The following ASTN2 variants were observed in gnomAD, a reference collection of about 807,000 sequenced individuals.
ASTN2 encodes the protein astrotactin 2, also known as astrotactin-2.
ASTN2 carries 54 observed loss-of-function variants against 139.8 expected under a neutral mutation model. The observed-to-expected ratio is 0.39, with a 90% CI of 0.31 to 0.48. The LOEUF (loss-of-function observed/expected upper bound fraction) is 0.48, where lower values mean the gene tolerates loss of function less well. Ranked by LOEUF, ASTN2 falls within the 20% of genes least tolerant of loss-of-function variation. The pLI is 0.95. For synonymous variants in ASTN2, 756 were observed against 719.5 expected (o/e 1.05, Z -0.81); for missense variants, 1,565 against 1,725.1 (o/e 0.91, Z 1.64).
chr9:116,446,531 C>G (rs1301202338), intron 20 of ASTN2, among the ~76,000 whole-genome samples: 1 of 152,194 alleles, frequency 6.6e-6, no homozygotes, highest in Non-Finnish European at 1.5e-5. Flanking sequence ...CATACAAAGA[C>G]TCTGGCATTC....
At chr9:116,761,048 A>G (rs1041344548) in intron 13 of ASTN2, among the ~76,000 whole-genome samples, 7 of 152,180 alleles carry the variant, frequency 4.6e-5, no homozygotes, top group African/African-American at 1.7e-4. Context: ...CCTCCCATGC[A>G]TGGTACAACG....
intron 1 of ASTN2, among the ~76,000 whole-genome samples, chr9:117,318,231 C>T (rs537249571): frequency 2.0e-5 from 3 of 152,148 alleles, no homozygotes; most frequent in Non-Finnish European, 4.4e-5. Context: ...GTTCTCTATG[C>T]CTCAGTGTTT....
At chr9:117,017,839 C>G (rs1316169328) in intron 6 of ASTN2, among the ~76,000 whole-genome samples, 7 of 151,918 alleles carry the variant, frequency 4.6e-5, no homozygotes, top group Non-Finnish European at 1.0e-4. Context: ...TGCATACACA[C>G]TTGTACATAC....
chr9:116,919,843 C>T (rs768590904), intron 10 of ASTN2, among the ~76,000 whole-genome samples: 7 of 150,196 alleles, frequency 4.7e-5, no homozygotes, highest in Non-Finnish European at 1.0e-4. Flanking sequence ...TTGGAGGCTG[C>T]AGTGGGAGGA....
intron 4 of ASTN2, among the ~76,000 whole-genome samples, chr9:117,134,085 G>A (rs188017885): frequency 6.5e-4 from 99 of 151,998 alleles, no homozygotes; most frequent in Middle Eastern, 6.8e-3. Context: ...AGGCTGCTAA[G>A]AAGGACAAAG....
intron 11 of ASTN2, among the ~76,000 whole-genome samples, chr9:116,857,755 G>A (rs1274453330): frequency 6.6e-6 from 1 of 152,178 alleles, no homozygotes; most frequent in African/African-American, 2.4e-5. Flanking sequence ...GGGTAAATGG[G>A]TAGATTAAAG....
chr9:116,696,691 A>G (rs1292998333), intron 16 of ASTN2, among the ~76,000 whole-genome samples: 1 of 152,032 alleles, frequency 6.6e-6, no homozygotes, highest in African/African-American at 2.4e-5. Flanking sequence ...TTATTTACCT[A>G]CATGTCTTGT....
At chr9:116,731,886 TG>T (rs143112530) in intron 14 of ASTN2, among the ~76,000 whole-genome samples, 6,523 of 152,194 alleles carry the variant, frequency 0.043, 504 homozygotes, top group African/African-American at 0.15. Flanking sequence ...TCCCCATCAC[TG>T]GGGGTATCCA....
chr9:117,008,061 T>C, intron 7 of ASTN2, 31 bp downstream of exon 7: 1 of 1,548,714 alleles, frequency 6.5e-7, no homozygotes, highest in Non-Finnish European at 8.7e-7. Context: ...CTCTCCCACC[T>C]TCTATCCCCA....
chr9:117,039,071 T>G (rs775017814), intron 6 of ASTN2, among the ~76,000 whole-genome samples: 4 of 152,218 alleles, frequency 2.6e-5, no homozygotes, highest in Non-Finnish European at 5.9e-5. Flanking sequence ...CATTTTTATT[T>G]TGAAATGGAT....
At chr9:116,919,535 G>A (rs775282594) in intron 10 of ASTN2, among the ~76,000 whole-genome samples, 3 of 151,774 alleles carry the variant, frequency 2.0e-5, no homozygotes, top group Non-Finnish European at 4.4e-5. Context: ...TGAGTTTCAT[G>A]GACCTATGAA....
intron 1 of ASTN2, among the ~76,000 whole-genome samples, chr9:117,400,871 T>A (rs974144440): frequency 6.6e-6 from 1 of 152,044 alleles, no homozygotes; most frequent in Non-Finnish European, 1.5e-5. Context: ...AAACCCACGA[T>A]TCCTAGTTCT....
At chr9:117,143,218 C>T (rs1319581204) in intron 3 of ASTN2, among the ~76,000 whole-genome samples, 3 of 152,236 alleles carry the variant, frequency 2.0e-5, no homozygotes, top group African/African-American at 7.2e-5. Context: ...GTTTCCTCAT[C>T]TGTCTCCCTT....
intron 2 of ASTN2, among the ~76,000 whole-genome samples, chr9:117,261,600 A>G (rs771413146): frequency 2.0e-5 from 3 of 152,112 alleles, no homozygotes; most frequent in African/African-American, 4.8e-5. Context: ...AAAAATTAAT[A>G]TCACACCATT....
Position 116,980,117 on chromosome 9 carries a change from C to A in ASTN2, c.1592-3332G>T, listed in dbSNP as rs1836468216. ...CCCCCGAGTGCTAGCAGCAGATGGA[C>A]CCGGTCCCATCCTCTTGTTCTCTCC... On this transcript the variant is annotated intron_variant, in intron 7 of 22. Transcript: ENST00000313400. Among the ~76,000 whole-genome samples, 3 of 152,170 alleles carry A rather than the reference C, an allele frequency of 2.0e-5. No individual in the cohort carries two copies. The South Asian group carries it at 6.2e-4, about 32-fold the overall frequency.
At chr9:116,467,252 T>TAGAGAG (rs3984941) in intron 20 of ASTN2, among the ~76,000 whole-genome samples, 22 of 150,800 alleles carry the variant, frequency 1.5e-4, no homozygotes, top group African/African-American at 2.7e-4. Flanking sequence ...AGGAAAGAGA[T>TAGAGAG]AGAGAGAGAG....
chr9:116,648,695 A>G (rs1171246356), intron 17 of ASTN2, among the ~76,000 whole-genome samples: 1 of 152,146 alleles, frequency 6.6e-6, no homozygotes, highest in Non-Finnish European at 1.5e-5. Flanking sequence ...TAGTTTTAAT[A>G]AACTTTTTAA....
intron 10 of ASTN2, among the ~76,000 whole-genome samples, chr9:116,891,941 C>CTATA (rs1564326221): frequency 6.6e-6 from 1 of 152,152 alleles, no homozygotes; most frequent in Non-Finnish European, 1.5e-5. Context: ...CTATTACCTA[C>CTATA]TATAACTGCT....
chr9:116,577,741 G>A (rs1046789419), intron 19 of ASTN2, among the ~76,000 whole-genome samples: 4 of 152,246 alleles, frequency 2.6e-5, no homozygotes, highest in East Asian at 1.9e-4. Context: ...GTGGAGAAGG[G>A]ATTGATGGTC....
Sources: gnomAD v4.1 joint callset for allele counts (sites outside exome capture counted in the v4.1 genomes callset) on GRCh38, gnomAD v4.1.1 for gene constraint, MANE v1.5 for transcripts, NCBI Gene and HGNC (gene_info 2026-07-23, HGNC 2026-07-21) for gene names.